Variants in ACIN1 observed in about 807,000 individuals in gnomAD.
ACIN1 encodes the protein apoptotic chromatin condensation inducer 1, also known as apoptotic chromatin condensation inducer in the nucleus.
A neutral mutation model predicts 146.6 loss-of-function variants in ACIN1; 16 were observed. The observed-to-expected ratio is 0.11, with a 90% confidence interval of 0.07 to 0.17. ACIN1 has a LOEUF of 0.17. Among genes scored for constraint, ACIN1 ranks in the 10% least tolerant of loss-of-function variants. ACIN1 has a pLI of 1.00. For missense variants in ACIN1, 1,357 were observed against 1,609.3 expected (o/e 0.84, Z 2.68); for synonymous variants, 569 against 582.7 (o/e 0.98, Z 0.34).
At chr14:23,079,469 C>T (rs1284132258) in intron 6 of ACIN1, 78 bp downstream of exon 6, 2 of 1,553,640 alleles carry the variant, frequency 1.3e-6, no homozygotes, top group African/African-American at 1.4e-5. Flanking sequence ...GAAATCATGA[C>T]AGGCTCTCCA....
chr14:23,059,272 T>C lies in ACIN1; in HGVS notation c.3728A>G (p.Asp1243Gly). 1.2e-6 allele frequency: 2 copies of C among 1,606,292 alleles called. No homozygotes were observed. The highest frequency in any genetic ancestry group is 1.7e-6 in the Non-Finnish European group (2 of 1,173,240). Residue 1243 changes from aspartate (D) to glycine (G), a missense_variant, in exon 19 of 19, where the codon GAC becomes GGC. Physicochemically the swap from Asp to Gly is moderately conservative, Grantham distance 94 (BLOSUM62 -1). Around this residue, in one of 4 missense-constraint regions of ACIN1, gnomAD observed 509 missense variants for 719.6 expected, o/e 0.71. Transcript: ENST00000605057. ...RERERERDRGDRDRDRERDRE... is the reference protein window; with the variant it reads ...RERERERDRGGRDRDRERDRE... ...GTCCCTTTCCCTATCCCGATCTCGG[T>C]CCCCCCTGTCCCGCTCCCTTTCTCT...
chr14:23,085,437 G>GTGAATTATATGCTATTTAT (rs2048066573), intron 4 of ACIN1, among the ~76,000 whole-genome samples: 2 of 152,290 alleles, frequency 1.3e-5, no homozygotes, highest in South Asian at 4.2e-4. Flanking sequence ...TCTACCTACT[G>GTGAATTATATGCTATTTAT]TGAATTATAT....
intron 2 of ACIN1, among the ~76,000 whole-genome samples, chr14:23,093,268 T>G (rs2048274117): frequency 6.6e-6 from 1 of 152,244 alleles, no homozygotes; most frequent in Non-Finnish European, 1.5e-5. Flanking sequence ...TATTATAAAC[T>G]AACAGTGCCT....
rs139787769 is a variant in ACIN1, at chr14:23,058,586, ATTT to A, written c.*559_*561del. ...CAGTTTAAAACTAAGTCAGATTTTT[ATTT>A]TTTTTTCCATAGACCACATCATTTA... is the stretch of plus-strand genomic sequence containing the variant. On this transcript the variant is annotated 3_prime_UTR_variant, in exon 19 of 19. Coordinates refer to ENST00000605057, the MANE Select transcript of ACIN1 (RefSeq NM_001386863.1). 6.5e-6 allele frequency: 1 copy of A among 153,246 alleles called. No individual in the cohort carries two copies. The highest frequency in any genetic ancestry group is 1.5e-5 in the Non-Finnish European group (1 of 68,698). The allele number at this position is 153,246 out of a possible 1,614,324, so 9.5% of individuals were successfully genotyped here.
intron 1 of ACIN1, among the ~76,000 whole-genome samples, chr14:23,093,752 C>T (rs1035218446): frequency 6.6e-6 from 1 of 152,172 alleles, no homozygotes; most frequent in African/African-American, 2.4e-5. Context: ...GTTACTGTTA[C>T]TAAATGTACA....
chr14:23,074,228 G>A (rs1338368930), intron 8 of ACIN1, among the ~76,000 whole-genome samples: 1 of 151,426 alleles, frequency 6.6e-6, no homozygotes, highest in Non-Finnish European at 1.5e-5. Context: ...ATTTCCCCAT[G>A]ATCAATTCTG....
At chr14:23,084,721 G>A (rs1413395471) in intron 4 of ACIN1, among the ~76,000 whole-genome samples, 2 of 152,008 alleles carry the variant, frequency 1.3e-5, no homozygotes, top group Admixed American at 6.5e-5. Flanking sequence ...AAGGACCTCT[G>A]AGTATATACC....
chr14:23,070,179 C>T (rs879353198), intron 8 of ACIN1, among the ~76,000 whole-genome samples: 11 of 120,010 alleles, frequency 9.2e-5, no homozygotes, highest in Non-Finnish European at 1.6e-4. Context: ...CTGGAGACAC[C>T]AGCATGGAGA....
rs1378078225 is a variant in ACIN1, at chr14:23,064,255, G to A, written c.2445C>T (p.Ser815=). 6.2e-7 allele frequency: 1 copy of A among 1,613,964 alleles called. No homozygotes were observed. Among genetic ancestry groups the A allele is most frequent in the South Asian group, 1.1e-5 (1 of 91,080 alleles). ...CCAGGGGTTTGATGTCGGGGATGAG[G>A]CTCTGGGACACAGATACCCCCCACC... ...SISITTESLK[S]LIPDIKPLAG... The change falls in exon 12 of 19, where the codon AGC becomes AGT. Residue 815 remains serine, a splice_region_variant and synonymous_variant. Transcript: ENST00000605057.
chr14:23,090,660 G>C, intron 2 of ACIN1, 27 bp from the exon 3 acceptor site: 1 of 1,578,530 alleles, frequency 6.3e-7, no homozygotes, highest in South Asian at 1.1e-5. Context: ...AAAACAGAGG[G>C]TCTAGGAAAA....
chr14:23,064,012 T>A, intron 12 of ACIN1, 93 bp downstream of exon 12: 1 of 1,537,286 alleles, frequency 6.5e-7, no homozygotes, highest in Non-Finnish European at 8.8e-7. Context: ...GACAGGGAAG[T>A]TCCCTCCAAA....
intron 4 of ACIN1, among the ~76,000 whole-genome samples, chr14:23,089,104 A>C (rs749519215): frequency 2.0e-5 from 3 of 152,148 alleles, no homozygotes; most frequent in Non-Finnish European, 2.9e-5. Context: ...GCAATGGTGC[A>C]ATCTTGGCTC....
intron 8 of ACIN1, among the ~76,000 whole-genome samples, chr14:23,074,224 C>T (rs1287751577): frequency 1.3e-5 from 2 of 151,832 alleles, no homozygotes; most frequent in East Asian, 3.9e-4. Context: ...TTCTATTTCC[C>T]CATGATCAAT....
At chr14:23,061,207 A>C (rs1301542566) in intron 17 of ACIN1, 23 bp from the exon 18 acceptor site, 11 of 1,613,916 alleles carry the variant, frequency 6.8e-6, no homozygotes, top group Non-Finnish European at 9.3e-6. Context: ...AAAGTGAACC[A>C]GATATGATGC....
upstream of ACIN1, chr14:23,095,228 T>C (rs61745081): frequency 0.017 from 27,750 of 1,613,420 alleles, 284 homozygotes; most frequent in Admixed American, 0.029. Context: ...TACCCCTCGA[T>C]TACCACTCAG....
Position 23,067,930 on chromosome 14 carries a change from G to A in ACIN1, c.2265+1546C>T, listed in dbSNP as rs1193435535. 1.1e-5 allele frequency: 11 copies of A among 985,680 alleles called. No homozygotes were observed. The highest frequency in any genetic ancestry group is 9.4e-5 in the South Asian group (2 of 21,284). The allele number at this position is 985,680 out of a possible 1,614,324, so 61.1% of individuals were successfully genotyped here. A position where few individuals can be genotyped will look rare whatever the true frequency, so the allele number is the denominator to read the frequency against. On this transcript the variant is annotated intron_variant, in intron 9 of 18. Coordinates refer to ENST00000605057, the MANE Select transcript of ACIN1 (RefSeq NM_001386863.1). This position sits in a 1 kb window ranked among gnomAD's most constrained non-coding sequence, Gnocchi z 4.6. Reference sequence around the variant, plus strand: ...CAGCAAGGTCAGAATACTTCTCTTCGGAGAGTTGTGGCTGGCATCTCCTCA... The same window carrying A: ...CAGCAAGGTCAGAATACTTCTCTTCAGAGAGTTGTGGCTGGCATCTCCTCA...
At chr14:23,089,669 G>C (rs368642623) in intron 4 of ACIN1, among the ~76,000 whole-genome samples, 1 of 152,184 alleles carries the variant, frequency 6.6e-6, no homozygotes, top group East Asian at 1.9e-4. Flanking sequence ...GTGTTAACAC[G>C]TAATATACAC....
chr14:23,062,804 A>AAGATCAGTGAGTAACTTAATCTATTGGT (rs1307504161), intron 14 of ACIN1, 125 bp downstream of exon 14: 1 of 1,183,044 alleles, frequency 8.5e-7, no homozygotes, highest in African/African-American at 1.5e-5. Context: ...TAACTCACTC[A>AAGATCAGTGAGTAACTTAATCTATTGGT]AGATCAGTGA....
chr14:23,081,004 A>G (rs1015841582), intron 5 of ACIN1, among the ~76,000 whole-genome samples, 195 bp from the exon 6 acceptor site: 1 of 152,184 alleles, frequency 6.6e-6, no homozygotes, highest in Admixed American at 6.5e-5. Context: ...ACCAAAAGAA[A>G]TATCACAATG....
Sources: gnomAD v4.1 joint callset for allele counts (sites outside exome capture counted in the v4.1 genomes callset) on GRCh38, gnomAD v4.1.1 for gene constraint, gnomAD v4.1.1 regional missense constraint, Gnocchi (gnomAD v3.1) non-coding constraint, MANE v1.5 for transcripts, NCBI Gene and HGNC (gene_info 2026-07-23, HGNC 2026-07-21) for gene names.